EFR3B: variants seen among roughly 807,000 people sequenced by gnomAD.
The protein encoded by EFR3B is protein EFR3 homolog B.
EFR3B carries 64 observed loss-of-function variants against 104.7 expected under a neutral mutation model. The ratio of observed to expected loss-of-function variants is 0.61; its 90% confidence interval spans 0.50 to 0.75. The LOEUF is 0.75. EFR3B is among the 30% of genes least tolerant of loss of function. EFR3B has a pLI of 0.00. For missense variants in EFR3B, 750 were observed against 1,078.5 expected (o/e 0.70, Z 4.27); for synonymous variants, 385 against 417.9 (o/e 0.92, Z 0.96).
chr2:25,142,956 A>AAG (rs1670713020), intron 17 of EFR3B, among the ~76,000 whole-genome samples: 1 of 150,226 alleles, frequency 6.7e-6, no homozygotes, highest in Non-Finnish European at 1.5e-5. Context: ...AAAAAAAAAA[A>AAG]AAAAAAAAAG....
rs773505951 is a variant in EFR3B at position 25,042,870 on chromosome 2, C to T, written c.7+551C>T. 3.3e-5 allele frequency among the ~76,000 whole-genome samples: 5 copies of T among 152,268 alleles called. No homozygotes were observed. The highest frequency in any genetic ancestry group is 1.3e-4 in the Admixed American group (2 of 15,294). On this transcript the variant is annotated intron_variant, in intron 1 of 22. Coordinates refer to ENST00000403714, the MANE Select transcript of EFR3B (RefSeq NM_014971.2). This position sits in a 1 kb window ranked among gnomAD's most constrained non-coding sequence, Gnocchi z 5.4. Reference sequence around the variant, plus strand: ...CCTGCCGCCCCGCGGGATCCAGGTTCACCAACTTCCAGATTTTCCCTCCGC... The same window carrying T: ...CCTGCCGCCCCGCGGGATCCAGGTTTACCAACTTCCAGATTTTCCCTCCGC...
chr2:25,145,134 T>C (rs1245306907), intron 19 of EFR3B, 83 bp downstream of exon 19: 2 of 1,282,802 alleles, frequency 1.6e-6, no homozygotes, highest in Non-Finnish European at 2.2e-6. Context: ...GCCTGCATAG[T>C]GGGCTTAAGG....
At chr2:25,094,352 C>A (rs923029454) in intron 3 of EFR3B, among the ~76,000 whole-genome samples, 1 of 149,730 alleles carries the variant, frequency 6.7e-6, no homozygotes, top group Non-Finnish European at 1.5e-5. Context: ...AAAGTATATT[C>A]GAAAATTAAG....
At chr2:25,067,329 G>A (rs949958910) in intron 1 of EFR3B, among the ~76,000 whole-genome samples, 3 of 151,802 alleles carry the variant, frequency 2.0e-5, no homozygotes, top group South Asian at 2.1e-4. Context: ...CATATTTCAC[G>A]CACATATTTA....
chr2:25,126,429 C>T (rs756937272), intron 5 of EFR3B, among the ~76,000 whole-genome samples: 4 of 151,956 alleles, frequency 2.6e-5, no homozygotes, highest in South Asian at 2.1e-4. Context: ...GCATGATCTC[C>T]GCTTACTGTA....
At chr2:25,113,537 G>A (rs957136553) in intron 4 of EFR3B, among the ~76,000 whole-genome samples, 5 of 151,942 alleles carry the variant, frequency 3.3e-5, no homozygotes, top group African/African-American at 4.8e-5. Flanking sequence ...GCGTGGTGGC[G>A]GGCGCCTGTA....
intron 1 of EFR3B, among the ~76,000 whole-genome samples, chr2:25,061,520 G>C (rs945377733): frequency 6.6e-6 from 1 of 151,504 alleles, no homozygotes; most frequent in African/African-American, 2.4e-5. Flanking sequence ...CTGAGACGGA[G>C]TCTCCCTCTG....
At chr2:25,153,875 C>A in intron 22 of EFR3B, 114 bp downstream of exon 22, 1 of 1,098,122 alleles carries the variant, frequency 9.1e-7, no homozygotes. Context: ...CTCCTTCTAC[C>A]ACTGTAATCT....
chr2:25,125,072 T>C (rs1366826724), intron 5 of EFR3B, among the ~76,000 whole-genome samples: 1 of 152,016 alleles, frequency 6.6e-6, no homozygotes, highest in African/African-American at 2.4e-5. Context: ...AATAAATAAA[T>C]AAATGAATAG....
chr2:25,124,717 C>T (rs1429537282), intron 5 of EFR3B, among the ~76,000 whole-genome samples: 1 of 115,664 alleles, frequency 8.6e-6, no homozygotes, highest in East Asian at 2.8e-4. Context: ...CCAGCCTGGG[C>T]AACACAGCGA....
chr2:25,042,612 C>T lies in EFR3B; in HGVS notation c.7+293C>T. On this transcript the variant is annotated intron_variant, in intron 1 of 22. Coordinates refer to ENST00000403714, the MANE Select transcript of EFR3B (RefSeq NM_014971.2). The surrounding 1 kb of genome is among the most constrained non-coding windows in gnomAD (Gnocchi z 5.4). ...GCGGGTCTCCCGGAGCCGAGCAGAC[C>T]GGGAGTGCTGGAGGAGGTGGTCGTG... The T allele has an allele frequency of 1.7e-6, 2 of 1,177,400 alleles. No homozygotes were observed. The highest frequency in any genetic ancestry group is 2.1e-6 in the Non-Finnish European group (2 of 953,416). The allele number at this position is 1,177,400 out of a possible 1,614,324, so 72.9% of individuals were successfully genotyped here.
chr2:25,136,624 A>G lies in EFR3B; in HGVS notation c.1560+26A>G, dbSNP rs1465325545. On this transcript the variant is annotated intron_variant, in intron 14 of 22. Coordinates refer to ENST00000403714, the MANE Select transcript of EFR3B (RefSeq NM_014971.2). The surrounding 1 kb of genome is among the most constrained non-coding windows in gnomAD (Gnocchi z 4.0). ...GTAAACAAGCATGACCTCCAGGCAC[A>G]GTGAAGGGCGGGCACGGTGGCTCAC... 2 of 1,547,162 alleles carry G rather than the reference A, an allele frequency of 1.3e-6. No individual in the cohort carries two copies.
Position 25,130,523 on chromosome 2 carries a change from G to A in EFR3B, c.771-29G>A. 1 of 1,536,138 alleles carries A rather than the reference G, an allele frequency of 6.5e-7. No individual in the cohort carries two copies. Among genetic ancestry groups the A allele is most frequent in the South Asian group, 1.2e-5 (1 of 83,698 alleles). On this transcript the variant is annotated intron_variant, in intron 7 of 22. Transcript: ENST00000403714. This position sits in a 1 kb window ranked among gnomAD's most constrained non-coding sequence, Gnocchi z 4.6. ...CCCTAACACTGCCGGGAGTTTCATA[G>A]TTGTTCCCCCACGTTTTCTCCCTCA...
At chr2:25,099,609 T>G (rs1369242492) in intron 3 of EFR3B, among the ~76,000 whole-genome samples, 1 of 151,850 alleles carries the variant, frequency 6.6e-6, no homozygotes, top group Non-Finnish European at 1.5e-5. Flanking sequence ...TTCTGGTTGC[T>G]TGGTATAGAA....
At chr2:25,110,466 T>A (rs1669694035) in intron 4 of EFR3B, among the ~76,000 whole-genome samples, 1 of 152,172 alleles carries the variant, frequency 6.6e-6, no homozygotes, top group Admixed American at 6.5e-5. Flanking sequence ...CTTTGCCTTC[T>A]TCTCCCACTC....
In EFR3B at chr2:25,130,192, G is replaced by C; in HGVS notation, c.770+83G>C. ...CCCTGGCATCTCCTGGCTGGCTGGG[G>C]GGAAGGGGATATTACAGTTGTGGTG... is the stretch of plus-strand genomic sequence containing the variant. On this transcript the variant is annotated intron_variant, in intron 7 of 22. Coordinates refer to ENST00000403714, the MANE Select transcript of EFR3B (RefSeq NM_014971.2). The surrounding 1 kb of genome is among the most constrained non-coding windows in gnomAD (Gnocchi z 4.6). The C allele has an allele frequency of 6.5e-7, 1 of 1,533,626 alleles. No homozygotes were observed. The highest frequency in any genetic ancestry group is 8.8e-7 in the Non-Finnish European group (1 of 1,134,284).
At chr2:25,080,068 G>T in intron 1 of EFR3B, 1 of 891,430 alleles carries the variant, frequency 1.1e-6, no homozygotes, top group Non-Finnish European at 1.9e-6. Flanking sequence ...CGTGTACCTT[G>T]TAACCCCCAC....
chr2:25,076,444 T>C (rs1470758693), intron 1 of EFR3B, among the ~76,000 whole-genome samples: 1 of 152,152 alleles, frequency 6.6e-6, no homozygotes, highest in Non-Finnish European at 1.5e-5. Context: ...TGTTAACTTA[T>C]CTAGTCTTCA....
At chr2:25,072,115 T>A in intron 1 of EFR3B, among the ~76,000 whole-genome samples, 1 of 152,196 alleles carries the variant, frequency 6.6e-6, no homozygotes, top group Non-Finnish European at 1.5e-5. Flanking sequence ...GCTATGAAGC[T>A]CCGGGAGTGG....
Sources: gnomAD v4.1 joint callset for allele counts (sites outside exome capture counted in the v4.1 genomes callset) on GRCh38, gnomAD v4.1.1 for gene constraint, Gnocchi (gnomAD v3.1) non-coding constraint, MANE v1.5 for transcripts, NCBI Gene and HGNC (gene_info 2026-07-23, HGNC 2026-07-21) for gene names.